Variants in GREB1L observed in about 807,000 individuals in gnomAD.
GREB1L encodes GREB1 like retinoic acid receptor coactivator, also known as GREB1-like protein.
GREB1L carries 17 observed loss-of-function variants against 200.8 expected under a neutral mutation model. The ratio of observed to expected loss-of-function variants is 0.08; its 90% CI spans 0.06 to 0.13. The LOEUF is 0.13. Among genes scored for constraint, GREB1L ranks in the 10% least tolerant of loss-of-function variants. The pLI, the probability that GREB1L is intolerant of heterozygous loss-of-function variation, is 1.00. For synonymous variants in GREB1L, 789 were observed against 893.0 expected, an observed-to-expected ratio of 0.88 and a Z score of 2.08; for missense variants, 1,657 against 2,367.7, an observed-to-expected ratio of 0.70 and a Z score of 6.23.
intron 7 of GREB1L, among the ~76,000 whole-genome samples, chr18:21,406,148 A>G (rs921617005): frequency 6.6e-6 from 1 of 152,170 alleles, no homozygotes; most frequent in African/African-American, 2.4e-5. Flanking sequence ...CCTGAAAATA[A>G]TGACGATATT....
chr18:21,258,586 G>A (rs2037838744), intron 1 of GREB1L, among the ~76,000 whole-genome samples: 1 of 152,114 alleles, frequency 6.6e-6, no homozygotes, highest in Non-Finnish European at 1.5e-5. Flanking sequence ...ACGTTGACTG[G>A]AAATACCAAC....
At chr18:21,350,549 TTAA>T (rs1426485941) in intron 1 of GREB1L, among the ~76,000 whole-genome samples, 2 of 152,262 alleles carry the variant, frequency 1.3e-5, no homozygotes, top group South Asian at 2.1e-4. Flanking sequence ...AGATTTTGCT[TTAA>T]TAATAATTTA....
Position 21,477,176 on chromosome 18 carries a change from C to T in GREB1L, c.2376C>T (p.Gly792=). ...AATTTTTCTACAGTGTCATTTCAGG[C>T]TCTTTGTCACATAGCGAACCCAGTC... ...SHVELTSVIS[G]SLSHSEPSHG... The change falls in exon 17 of 33, where the codon GGC becomes GGT. Residue 792 remains glycine (G), a synonymous_variant. Coordinates refer to ENST00000424526, the MANE Select transcript of GREB1L (RefSeq NM_001142966.3). 1 of 1,550,362 alleles carries T rather than the reference C, an allele frequency of 6.5e-7. No homozygotes were observed. Among genetic ancestry groups the T allele is most frequent in the Non-Finnish European group, 8.7e-7 (1 of 1,145,990 alleles).
intron 1 of GREB1L, among the ~76,000 whole-genome samples, chr18:21,273,301 A>G (rs2038107973): frequency 6.6e-6 from 1 of 152,332 alleles, no homozygotes; most frequent in African/African-American, 2.4e-5. Context: ...CAAATAATTA[A>G]CATATGTAGT....
At chr18:21,294,998 T>G (rs1405488878) in intron 1 of GREB1L, among the ~76,000 whole-genome samples, 2 of 152,178 alleles carry the variant, frequency 1.3e-5, no homozygotes, top group Non-Finnish European at 2.9e-5. Context: ...TTCTATTAGT[T>G]TTTTGTCTCT....
chr18:21,381,070 G>A (rs1449021157), intron 2 of GREB1L, among the ~76,000 whole-genome samples: 12 of 152,136 alleles, frequency 7.9e-5, no homozygotes, highest in Admixed American at 3.3e-4. Context: ...GTGAAACACC[G>A]TCTCTACTAA....
chr18:21,260,950 G>A (rs1009266967), intron 1 of GREB1L, among the ~76,000 whole-genome samples: 1 of 151,786 alleles, frequency 6.6e-6, no homozygotes, highest in Non-Finnish European at 1.5e-5. Flanking sequence ...CTATTAAACA[G>A]CCAATACTCA....
chr18:21,293,049 A>G (rs1398337713), intron 1 of GREB1L, among the ~76,000 whole-genome samples: 2 of 152,232 alleles, frequency 1.3e-5, no homozygotes, highest in Admixed American at 6.5e-5. Flanking sequence ...TAGTAACTGG[A>G]TATCTTAACA....
At chr18:21,448,622 A>G (rs986330866) in intron 11 of GREB1L, among the ~76,000 whole-genome samples, 3 of 152,168 alleles carry the variant, frequency 2.0e-5, no homozygotes, top group African/African-American at 7.2e-5. Flanking sequence ...GAGCTGGTTT[A>G]TGGGAGCCTG....
At chr18:21,370,640 T>C (rs2039836738) in intron 2 of GREB1L, among the ~76,000 whole-genome samples, 1 of 152,158 alleles carries the variant, frequency 6.6e-6, no homozygotes, top group African/African-American at 2.4e-5. Flanking sequence ...GAGCTTGAGA[T>C]AGGTTAGGGG....
chr18:21,383,486 C>G (rs998535118), intron 2 of GREB1L, 24 bp from the exon 3 acceptor site: 1 of 1,475,214 alleles, frequency 6.8e-7, no homozygotes, highest in Non-Finnish European at 9.0e-7. Flanking sequence ...TTTATCCTTT[C>G]TTCTTTTTCT....
intron 1 of GREB1L, among the ~76,000 whole-genome samples, chr18:21,296,636 C>T (rs1378564325): frequency 6.6e-6 from 1 of 151,662 alleles, no homozygotes; most frequent in Non-Finnish European, 1.5e-5. Flanking sequence ...GCACCCCAAT[C>T]ATTCAGCTTT....
At position 21,496,484 on chromosome 18, in the gene GREB1L, T is replaced by C. The variant is rs1306178001; in HGVS notation, c.3177T>C (p.Ile1059=). Residue 1059 remains isoleucine (I), a synonymous_variant, in exon 21 of 33, where the codon ATT becomes ATC. Coordinates refer to ENST00000424526, the MANE Select transcript of GREB1L (RefSeq NM_001142966.3). ...RSLKYCDLRL[I]DSSYLTRTAL... ...TGAAGTACTGTGACCTCCGGTTAAT[T>C]GACTCAAGCTATTTAACTCGCACGG... 6.4e-7 allele frequency: 1 copy of C among 1,551,724 alleles called. No homozygotes were observed. Among genetic ancestry groups the C allele is most frequent in the Admixed American group, 2.0e-5 (1 of 51,002 alleles).
intron 1 of GREB1L, among the ~76,000 whole-genome samples, chr18:21,321,148 G>A (rs1416237364): frequency 6.6e-6 from 1 of 151,130 alleles, no homozygotes; most frequent in Non-Finnish European, 1.5e-5. Context: ...ACAAAAATTA[G>A]CCAGGCATGG....
intron 18 of GREB1L, among the ~76,000 whole-genome samples, chr18:21,486,353 CAAAA>C (rs770296447): frequency 1.1e-5 from 1 of 89,792 alleles, no homozygotes; most frequent in Non-Finnish European, 2.3e-5. Context: ...GACTCCGTCT[CAAAA>C]AAAAAAAAAA....
At chr18:21,409,430 A>T (rs369326377) in intron 7 of GREB1L, among the ~76,000 whole-genome samples, 107 of 152,312 alleles carry the variant, frequency 7.0e-4, no homozygotes, top group African/African-American at 2.5e-3. Flanking sequence ...GGGGATGAAA[A>T]TGTTCTAACA....
chr18:21,271,600 T>C (rs1245020136), intron 1 of GREB1L, among the ~76,000 whole-genome samples: 1 of 145,658 alleles, frequency 6.9e-6, no homozygotes, highest in East Asian at 2.0e-4. Context: ...TGCAGTGAGC[T>C]ATAGTCTTGC....
At chr18:21,351,668 G>A (rs2039435281) in intron 1 of GREB1L, among the ~76,000 whole-genome samples, 1 of 151,974 alleles carries the variant, frequency 6.6e-6, no homozygotes, top group Admixed American at 6.6e-5. Flanking sequence ...ACATTCTGGG[G>A]TATGATAGGT....
chr18:21,358,264 T>C (rs889317184), intron 1 of GREB1L, among the ~76,000 whole-genome samples: 8 of 152,170 alleles, frequency 5.3e-5, no homozygotes, highest in Non-Finnish European at 8.8e-5. Context: ...GGTTAGCATA[T>C]AGAAATGCTG....
Sources: gnomAD v4.1 joint callset for allele counts (sites outside exome capture counted in the v4.1 genomes callset) on GRCh38, gnomAD v4.1.1 for gene constraint, MANE v1.5 for transcripts, NCBI Gene and HGNC (gene_info 2026-07-23, HGNC 2026-07-21) for gene names.